The following PRKCA variants were observed in gnomAD, a reference collection of about 807,000 sequenced individuals.
PRKCA encodes protein kinase C alpha type.
A neutral mutation model predicts 87.0 loss-of-function variants in PRKCA; 27 were observed. That is an observed-to-expected ratio of 0.31 (90% confidence interval 0.23 to 0.43). The LOEUF is 0.43. PRKCA is among the 20% of genes least tolerant of loss of function. PRKCA has a pLI of 1.00. For missense variants in PRKCA, 518 were observed against 852.3 expected (o/e 0.61, Z 4.88); for synonymous variants, 329 against 311.1 (o/e 1.06, Z -0.61).
chr17:66,749,750 G>A (rs985480256), intron 13 of PRKCA, among the ~76,000 whole-genome samples: 4 of 152,186 alleles, frequency 2.6e-5, no homozygotes, highest in Admixed American at 2.0e-4. Context: ...GGGAGACACC[G>A]CAGGAGGACA....
intron 14 of PRKCA, among the ~76,000 whole-genome samples, chr17:66,779,549 G>C (rs1434636565): frequency 1.3e-5 from 2 of 152,116 alleles, no homozygotes; most frequent in Non-Finnish European, 2.9e-5. Context: ...GTCCAGGGGA[G>C]CATGCCTAGC....
At chr17:66,640,575 A>G (rs9907959) in intron 3 of PRKCA, among the ~76,000 whole-genome samples, 12,654 of 152,204 alleles carry the variant, frequency 0.083, 716 homozygotes, top group African/African-American at 0.16. Context: ...TTGGATGTAG[A>G]TCTGGTTTCG....
In PRKCA at chr17:66,595,463, C is replaced by CTTTTTTTTTTTTT. The variant is rs374376124; in HGVS notation, c.289-45888_289-45876dup. ...AACTCTATTTTATTTTCTTTTCCTT[C>CTTTTTTTTTTTTT]TTTTTTTTTTTTTTTTGAGACAGTC... is the stretch of plus-strand genomic sequence containing the variant. On this transcript the variant is annotated intron_variant, in intron 3 of 16. Transcript: ENST00000413366. Among the ~76,000 whole-genome samples the CTTTTTTTTTTTTT allele has an allele frequency of 5.8e-3, 674 of 116,434 alleles. 16 individuals carry two copies. The highest frequency in any genetic ancestry group is 6.8e-3 in the South Asian group (23 of 3,380). 76.4% of individuals were successfully genotyped at this position (116,434 alleles called of 152,430 possible).
At position 66,773,968 on chromosome 17, in the gene PRKCA, T is replaced by A. The variant is rs369282438; in HGVS notation, c.1525-19T>A. On this transcript the variant is annotated intron_variant, in intron 13 of 16. Transcript: ENST00000413366. ...TTGGACTTACCACTAATGTAATTGA[T>A]GTGTTTGTTTTCACACAGATAATCG... The A allele has an allele frequency of 9.9e-6, 16 of 1,613,822 alleles. No individual in the cohort carries two copies. The highest frequency in any genetic ancestry group is 1.4e-5 in the Non-Finnish European group (16 of 1,179,786).
At chr17:66,491,394 C>T (rs1431498763) in intron 2 of PRKCA, among the ~76,000 whole-genome samples, 2 of 152,184 alleles carry the variant, frequency 1.3e-5, no homozygotes, top group African/African-American at 4.8e-5. Flanking sequence ...GTTTAAGGGC[C>T]AAGGGGGGCC....
At chr17:66,523,764 G>A (rs1475031438) in intron 3 of PRKCA, among the ~76,000 whole-genome samples, 3 of 152,138 alleles carry the variant, frequency 2.0e-5, no homozygotes, top group Admixed American at 6.5e-5. Flanking sequence ...GATGCACTTT[G>A]GACCTAAGGC....
At chr17:66,347,329 T>C (rs1907441204) in intron 2 of PRKCA, among the ~76,000 whole-genome samples, 2 of 152,178 alleles carry the variant, frequency 1.3e-5, no homozygotes, top group Non-Finnish European at 2.9e-5. Flanking sequence ...TGTTGTGATA[T>C]GTTTTGGTTG....
At chr17:66,504,453 G>A (rs1164697882) in intron 3 of PRKCA, among the ~76,000 whole-genome samples, 5 of 152,074 alleles carry the variant, frequency 3.3e-5, no homozygotes, top group Admixed American at 2.0e-4. Context: ...TTATCTGGAC[G>A]TGGTGGCACA....
intron 5 of PRKCA, among the ~76,000 whole-genome samples, chr17:66,671,314 G>A (rs944526074): frequency 6.6e-6 from 1 of 151,602 alleles, no homozygotes; most frequent in Non-Finnish European, 1.5e-5. Flanking sequence ...GCCAAGAAGT[G>A]GGGGGGTTTA....
At chr17:66,382,159 G>A (rs766583786) in intron 2 of PRKCA, among the ~76,000 whole-genome samples, 41 of 152,074 alleles carry the variant, frequency 2.7e-4, no homozygotes, top group Non-Finnish European at 3.5e-4. Flanking sequence ...CCAAACCTTG[G>A]CCTTCAGAGT....
At chr17:66,661,026 G>T (rs2143898735) in intron 5 of PRKCA, among the ~76,000 whole-genome samples, 1 of 152,292 alleles carries the variant, frequency 6.6e-6, no homozygotes, top group South Asian at 2.1e-4. Flanking sequence ...ATGCCTTGGA[G>T]CCATAAGAAT....
intron 8 of PRKCA, among the ~76,000 whole-genome samples, chr17:66,722,307 TTA>T (rs1442707096): frequency 6.6e-6 from 1 of 152,202 alleles, no homozygotes; most frequent in Non-Finnish European, 1.5e-5. Context: ...TTTTAACCTA[TTA>T]GAAAATGAAC....
intron 2 of PRKCA, among the ~76,000 whole-genome samples, chr17:66,402,885 T>C (rs1911118928): frequency 1.3e-5 from 2 of 152,132 alleles, no homozygotes; most frequent in Non-Finnish European, 2.9e-5. Context: ...AAGGGAAAAA[T>C]AGGGACAGTA....
At chr17:66,344,382 G>A (rs1172332519) in intron 2 of PRKCA, among the ~76,000 whole-genome samples, 4 of 152,152 alleles carry the variant, frequency 2.6e-5, no homozygotes, top group South Asian at 2.1e-4. Context: ...TGTGCCGGGC[G>A]CTGTGGCTCA....
rs1300224706 is a variant in PRKCA at position 66,781,883 on chromosome 17, A to AGTGTGTG, written c.1606-4984_1606-4983insGTGTGTG. 6.2e-5 allele frequency among the ~76,000 whole-genome samples: 8 copies of AGTGTGTG among 129,358 alleles called. No individual in the cohort carries two copies. In the South Asian group the frequency reaches 1.2e-3, roughly 19 times the overall value. 84.9% of individuals were successfully genotyped at this position (129,358 alleles called of 152,430 possible). On this transcript the variant is annotated intron_variant, in intron 14 of 16. Coordinates refer to ENST00000413366, the MANE Select transcript of PRKCA (RefSeq NM_002737.3). ...GAGAGAGAGAGATATATATATATATATATAGTGTGTGTGTGTGTGTGTGTG... is the reference window on the plus strand; with the variant it reads ...GAGAGAGAGAGATATATATATATATAGTGTGTGTATAGTGTGTGTGTGTGTGTGTGTG...
At chr17:66,390,466 C>T (rs1910299011) in intron 2 of PRKCA, among the ~76,000 whole-genome samples, 1 of 152,120 alleles carries the variant, frequency 6.6e-6, no homozygotes, top group African/African-American at 2.4e-5. Flanking sequence ...TTTTAAGAAA[C>T]ACTCCATTTT....
chr17:66,765,435 TATATATATATATATATATATCC>T (rs1974784638), intron 13 of PRKCA, among the ~76,000 whole-genome samples: 1 of 133,696 alleles, frequency 7.5e-6, no homozygotes, highest in Non-Finnish European at 1.6e-5. Context: ...TATATATATA[TATATATATATATATATATATCC>T]ATATATATAC....
At chr17:66,777,478 A>AAAC in intron 14 of PRKCA, 2 of 962,692 alleles carry the variant, frequency 2.1e-6, no homozygotes, top group Non-Finnish European at 2.4e-6. Flanking sequence ...GTCCGGGTGT[A>AAAC]AACACAGAAA....
chr17:66,337,613 C>T (rs1426209497), intron 2 of PRKCA, among the ~76,000 whole-genome samples: 3 of 151,948 alleles, frequency 2.0e-5, no homozygotes, highest in Admixed American at 6.5e-5. Flanking sequence ...CTCAAACTCC[C>T]GGTCTTAAGC....
Sources: allele counts gnomAD v4.1 joint callset (sites outside exome capture counted in the v4.1 genomes callset), GRCh38; gene constraint gnomAD v4.1.1; transcripts MANE v1.5; gene names NCBI Gene and HGNC (gene_info 2026-07-23, HGNC 2026-07-21).